The following PLXNA2 variants were observed in gnomAD, a reference collection of about 807,000 sequenced individuals.
PLXNA2 encodes the protein plexin-A2.
PLXNA2 carries 91 observed loss-of-function variants against 193.5 expected under a neutral mutation model. That is an observed-to-expected ratio of 0.47 (90% CI 0.40 to 0.56). PLXNA2 has a LOEUF of 0.56. PLXNA2 is among the 20% of genes least tolerant of loss of function. PLXNA2 has a pLI of 0.00. For synonymous variants in PLXNA2, 997 were observed against 1,027.3 expected (o/e 0.97, Z 0.56); for missense variants, 1,995 against 2,503.2 (o/e 0.80, Z 4.33).
chr1:208,084,614 C>T (rs777358469), intron 9 of PLXNA2, 34 bp from the exon 10 acceptor site: 3 of 1,599,224 alleles, frequency 1.9e-6, no homozygotes, highest in South Asian at 1.1e-5. Context: ...CCATCTGTCC[C>T]CTGTTCATGC....
In PLXNA2 at chr1:208,079,317, G is replaced by C; in HGVS notation, c.2529C>G (p.Ser843Arg). The part of the protein sequence containing the change: ...TLHQHCTSPS[S>R]PWLDWSSHNV... Reference sequence around the variant, plus strand: ...TGTGGCTGGACCAGTCGAGCCAGGGGCTGGAAGGGCTGGTACAGTGCTGGT... The same window carrying C: ...TGTGGCTGGACCAGTCGAGCCAGGGCCTGGAAGGGCTGGTACAGTGCTGGT... Residue 843 changes from serine to arginine, a missense_variant, in exon 12 of 32, where the codon AGC becomes AGG. Coordinates refer to ENST00000367033, the MANE Select transcript of PLXNA2 (RefSeq NM_025179.4). The C allele has an allele frequency of 6.2e-7, 1 of 1,613,456 alleles. No homozygotes were observed. The highest frequency in any genetic ancestry group is 8.5e-7 in the Non-Finnish European group (1 of 1,179,418).
intron 4 of PLXNA2, among the ~76,000 whole-genome samples, chr1:208,105,746 G>T (rs748292066): frequency 1.3e-5 from 2 of 152,200 alleles, no homozygotes; most frequent in East Asian, 3.9e-4. Flanking sequence ...GGAGGCTTCC[G>T]CTGGCCCCCT....
At chr1:208,229,749 G>A (rs1296049587) in intron 1 of PLXNA2, among the ~76,000 whole-genome samples, 1 of 152,182 alleles carries the variant, frequency 6.6e-6, no homozygotes, top group Non-Finnish European at 1.5e-5. Flanking sequence ...CAGCTCCAGA[G>A]CCGTTAACCA....
In PLXNA2 at chr1:208,217,632, G is replaced by T; in HGVS notation, c.291C>A (p.Pro97=). Residue 97 remains proline, a synonymous_variant, in exon 2 of 32, where the codon CCC becomes CCA. Transcript: ENST00000367033. The surrounding 1 kb of genome is among the most constrained non-coding windows in gnomAD (Gnocchi z 4.7). ...CTTCGCTGCAGGGCTGCACGATGAG[G>T]GGCGGGTAACAAGACTTGTTGTCCT... The part of the protein sequence containing the change: ...PEEDNKSCYP[P]LIVQPCSEVL... The T allele has an allele frequency of 1.9e-6, 3 of 1,614,182 alleles. No homozygotes were observed. The highest frequency in any genetic ancestry group is 2.2e-5 in the East Asian group (1 of 44,882).
chr1:208,208,956 G>T (rs1670836325), intron 3 of PLXNA2, among the ~76,000 whole-genome samples: 1 of 152,166 alleles, frequency 6.6e-6, no homozygotes, highest in African/African-American at 2.4e-5. Flanking sequence ...CTTGGTAGAA[G>T]CCACTTTTAA....
intron 3 of PLXNA2, among the ~76,000 whole-genome samples, chr1:208,170,126 G>T (rs1669443218): frequency 6.6e-6 from 1 of 152,142 alleles, no homozygotes; most frequent in Non-Finnish European, 1.5e-5. Context: ...TAGGTATATT[G>T]TTCTCAGCAT....
intron 3 of PLXNA2, among the ~76,000 whole-genome samples, chr1:208,187,103 A>G (rs563250142): frequency 4.6e-5 from 7 of 152,302 alleles, no homozygotes; most frequent in African/African-American, 1.7e-4. Flanking sequence ...TTGCAGACCT[A>G]AGAATTTTGA....
At chr1:208,103,432 G>A (rs747269422) in intron 4 of PLXNA2, among the ~76,000 whole-genome samples, 185 bp from the exon 5 acceptor site, 2 of 152,218 alleles carry the variant, frequency 1.3e-5, no homozygotes, top group Non-Finnish European at 2.9e-5. Context: ...AGGCTAAGCC[G>A]AGTGTGTCTC....
chr1:208,130,114 A>C (rs553974041), intron 4 of PLXNA2, among the ~76,000 whole-genome samples: 3 of 152,186 alleles, frequency 2.0e-5, no homozygotes, highest in Non-Finnish European at 4.4e-5. Flanking sequence ...GGGGGGAACA[A>C]GGTGAGGTGA....
At chr1:208,166,331 T>A (rs1338497930) in intron 3 of PLXNA2, among the ~76,000 whole-genome samples, 6 of 152,240 alleles carry the variant, frequency 3.9e-5, no homozygotes, top group Non-Finnish European at 7.3e-5. Context: ...CCAACTGGTC[T>A]GCATTGCTGG....
rs538509421 is a variant in PLXNA2, at chr1:208,120,657, A to ATGTAG, written c.1507-17415_1507-17411dup. ...ACTTGCCCCTCAGCCAGATGCCTTTATGTAGTGCATTTCCTGAACCATCAT... is the reference window on the plus strand; with the variant it reads ...ACTTGCCCCTCAGCCAGATGCCTTTATGTAGTGTAGTGCATTTCCTGAACCATCAT... On this transcript the variant is annotated intron_variant, in intron 4 of 31. Coordinates refer to ENST00000367033, the MANE Select transcript of PLXNA2 (RefSeq NM_025179.4). 3.4e-3 allele frequency among the ~76,000 whole-genome samples: 515 copies of ATGTAG among 152,300 alleles called. 5 individuals are homozygous for ATGTAG. The highest frequency in any genetic ancestry group is 4.7e-3 in the Non-Finnish European group (323 of 68,028).
At position 208,044,951 on chromosome 1, in the gene PLXNA2, A is replaced by G; in HGVS notation, c.3639+116T>C. The G allele has an allele frequency of 8.0e-7, 1 of 1,252,086 alleles. No individual in the cohort carries two copies. Among genetic ancestry groups the G allele is most frequent in the Non-Finnish European group, 1.1e-6 (1 of 869,714 alleles). The allele number at this position is 1,252,086 out of a possible 1,614,324, so 77.6% of individuals were successfully genotyped here. A position where few individuals can be genotyped will look rare whatever the true frequency, so the allele number is the denominator to read the frequency against. On this transcript the variant is annotated intron_variant, in intron 19 of 31. Coordinates refer to ENST00000367033, the MANE Select transcript of PLXNA2 (RefSeq NM_025179.4). The surrounding 1 kb of genome is among the most constrained non-coding windows in gnomAD (Gnocchi z 4.9). ...CAATTTGATGTAGGACCCAGAGATG[A>G]GGAGATATGGAGGGGGTGAGTCAGG...
At chr1:208,203,394 G>A (rs529023598) in intron 3 of PLXNA2, among the ~76,000 whole-genome samples, 144 of 152,308 alleles carry the variant, frequency 9.5e-4, no homozygotes, top group African/African-American at 3.0e-3. Context: ...GGGCGAGTTA[G>A]GGTATCAGAT....
chr1:208,224,931 G>A (rs949083393), intron 1 of PLXNA2, among the ~76,000 whole-genome samples: 14 of 152,276 alleles, frequency 9.2e-5, no homozygotes, highest in African/African-American at 3.1e-4. Flanking sequence ...CTACATCCAC[G>A]CTCCAATAAC....
In PLXNA2 at chr1:208,025,413, G is replaced by A. The variant is rs1340496245; in HGVS notation, c.*1830C>T. On this transcript the variant is annotated 3_prime_UTR_variant, in exon 32 of 32. Coordinates refer to ENST00000367033, the MANE Select transcript of PLXNA2 (RefSeq NM_025179.4). ...GTTAATAACAGAGAAAATGACCCTG[G>A]TCTAGTCTCTCTTGGAGGAGCTGGT... 6.6e-6 allele frequency: 1 copy of A among 152,234 alleles called. No homozygotes were observed. The highest frequency in any genetic ancestry group is 1.5e-5 in the Non-Finnish European group (1 of 68,060). 9.4% of individuals were successfully genotyped at this position (152,234 alleles called of 1,614,324 possible). A position where few individuals can be genotyped will look rare whatever the true frequency, so the allele number is the denominator to read the frequency against.
intron 4 of PLXNA2, among the ~76,000 whole-genome samples, chr1:208,138,974 C>A (rs568464124): frequency 6.6e-6 from 1 of 152,304 alleles, no homozygotes; most frequent in Non-Finnish European, 1.5e-5. Flanking sequence ...TTGCAGTGAG[C>A]CAAGGTCATG....
intron 3 of PLXNA2, among the ~76,000 whole-genome samples, chr1:208,180,419 G>A (rs973645868): frequency 2.0e-5 from 3 of 152,128 alleles, no homozygotes; most frequent in Non-Finnish European, 4.4e-5. Context: ...TCATCACATA[G>A]CCTGAGCTTT....
At chr1:208,187,911 G>A (rs931913354) in intron 3 of PLXNA2, among the ~76,000 whole-genome samples, 19 of 152,274 alleles carry the variant, frequency 1.2e-4, no homozygotes, top group African/African-American at 4.1e-4. Flanking sequence ...ATTGCCCCAC[G>A]ATCCTGTGAA....
In PLXNA2 at chr1:208,086,729, T is replaced by C. The variant is rs1427397708; in HGVS notation, c.2098-2149A>G. On this transcript the variant is annotated intron_variant, in intron 9 of 31. Coordinates refer to ENST00000367033, the MANE Select transcript of PLXNA2 (RefSeq NM_025179.4). ...GCCAACTCATAAACTTGCTCTTTAC[T>C]GCACTTTCACTTTCATTCCCTGCAG... Among the ~76,000 whole-genome samples, 6 of 148,384 alleles carry C rather than the reference T, an allele frequency of 4.0e-5. No individual in the cohort carries two copies. The Admixed American group carries it at 4.1e-4, about 10-fold the overall frequency.
Sources: gnomAD v4.1 joint callset for allele counts (sites outside exome capture counted in the v4.1 genomes callset) on GRCh38, gnomAD v4.1.1 for gene constraint, Gnocchi (gnomAD v3.1) non-coding constraint, MANE v1.5 for transcripts, NCBI Gene and HGNC (gene_info 2026-07-23, HGNC 2026-07-21) for gene names.